Variants in MEGF6 observed in about 807,000 individuals in gnomAD.
The protein encoded by MEGF6 is multiple EGF like domains 6, also known as multiple epidermal growth factor-like domains protein 6.
MEGF6 carries 184 observed loss-of-function variants against 207.1 expected under a neutral mutation model. The ratio of observed to expected loss-of-function variants is 0.89; its 90% confidence interval spans 0.79 to 1.00. The LOEUF (loss-of-function observed/expected upper bound fraction) is 1.00. Among genes scored for constraint, MEGF6 ranks in the 50% least tolerant of loss-of-function variants. MEGF6 has a pLI of 0.00. For synonymous variants in MEGF6, 1,038 were observed against 910.0 expected, an observed-to-expected ratio of 1.14 and a Z score of -2.53; for missense variants, 2,282 against 2,202.9, an observed-to-expected ratio of 1.04 and a Z score of -0.72.
At chr1:3,557,262 T>C (rs1643062847) in intron 4 of MEGF6, among the ~76,000 whole-genome samples, 1 of 152,224 alleles carries the variant, frequency 6.6e-6, no homozygotes, top group African/African-American at 2.4e-5. Flanking sequence ...ATCACAGATC[T>C]GTGCTGTTTG....
At chr1:3,496,402 C>G (rs1161275537) in intron 29 of MEGF6, among the ~76,000 whole-genome samples, 1 of 152,252 alleles carries the variant, frequency 6.6e-6, no homozygotes, top group Non-Finnish European at 1.5e-5. Context: ...GCAGACATGG[C>G]GCAGGTCGCC....
intron 3 of MEGF6, 39 bp from the exon 4 acceptor site, chr1:3,579,968 AG>A: frequency 7.0e-7 from 1 of 1,427,672 alleles, no homozygotes; most frequent in South Asian, 1.4e-5. Flanking sequence ...AGGGGCAAGG[AG>A]GGGTGAGGCA....
At chr1:3,500,481 G>A in intron 21 of MEGF6, 152 bp downstream of exon 21, 3 of 1,154,952 alleles carry the variant, frequency 2.6e-6, no homozygotes, top group South Asian at 3.2e-5. Context: ...TTTGGTGGGT[G>A]TGTGCGCGCA....
chr1:3,621,087 C>A, the MEGF6 span, among the ~76,000 whole-genome samples: 1 of 152,226 alleles, frequency 6.6e-6, no homozygotes, highest in Non-Finnish European at 1.5e-5. Flanking sequence ...GGAGCATGAC[C>A]ACTGAAGCAC....
chr1:3,613,612 G>T (rs2101925624), upstream of MEGF6, among the ~76,000 whole-genome samples: 1 of 152,322 alleles, frequency 6.6e-6, no homozygotes, highest in East Asian at 1.9e-4. Flanking sequence ...AAGAAGGAAA[G>T]AATGTGGATG....
At chr1:3,597,075 G>A (rs1644079746) in intron 2 of MEGF6, among the ~76,000 whole-genome samples, 1 of 152,206 alleles carries the variant, frequency 6.6e-6, no homozygotes, top group African/African-American at 2.4e-5. Flanking sequence ...CAGCCCCTGT[G>A]AGGACCGCCC....
chr1:3,583,885 C>CGCGCAGCCACCAGACAAT (rs1557795303), intron 3 of MEGF6, among the ~76,000 whole-genome samples: 569 of 43,718 alleles, frequency 0.013, 55 homozygotes, highest in Middle Eastern at 0.04. Context: ...CACCAGACAA[C>CGCGCAGCCACCAGACAAT]GCGCAGCCAC....
At chr1:3,562,180 TTC>T (rs1261434115) in intron 4 of MEGF6, among the ~76,000 whole-genome samples, 9 of 152,204 alleles carry the variant, frequency 5.9e-5, no homozygotes, top group Admixed American at 1.3e-4. Context: ...TCTCTGTCCT[TTC>T]TCTGTGTCTC....
intron 3 of MEGF6, among the ~76,000 whole-genome samples, chr1:3,587,510 A>G (rs1418233261): frequency 6.6e-6 from 1 of 152,250 alleles, no homozygotes; most frequent in Non-Finnish European, 1.5e-5. Context: ...ACTGTGATGT[A>G]TAGTTTGCAA....
At chr1:3,593,364 C>T (rs949054152) in intron 3 of MEGF6, among the ~76,000 whole-genome samples, 6 of 152,236 alleles carry the variant, frequency 3.9e-5, no homozygotes, top group South Asian at 4.2e-4. Flanking sequence ...TCGGAGGGGA[C>T]GGCATCGGGG....
Position 3,595,295 on chromosome 1 carries a change from G to C in MEGF6, c.376+43C>G, listed in dbSNP as rs758689523. The C allele has an allele frequency of 1.8e-4, 255 of 1,409,272 alleles. 1 individual carries two copies. The Middle Eastern group carries it at 2.3e-3, about 13-fold the overall frequency. The allele number at this position is 1,409,272 out of a possible 1,614,324, so 87.3% of individuals were successfully genotyped here. On this transcript the variant is annotated intron_variant, in intron 3 of 36. Transcript: ENST00000356575. Reference sequence around the variant, plus strand: ...TTCATGGCTCTGCTGAGTCCTCTGGGGTGGAGGTGGAGGGAGGGCGGGGAG... The same window carrying C: ...TTCATGGCTCTGCTGAGTCCTCTGGCGTGGAGGTGGAGGGAGGGCGGGGAG...
chr1:3,492,507 G>T, intron 35 of MEGF6, 132 bp downstream of exon 35: 1 of 1,257,356 alleles, frequency 8.0e-7, no homozygotes, highest in Non-Finnish European at 1.1e-6. Context: ...GATGACATTC[G>T]CTATGTCTGA....
chr1:3,520,195 C>T (rs1641691783), intron 5 of MEGF6, among the ~76,000 whole-genome samples: 1 of 152,222 alleles, frequency 6.6e-6, no homozygotes, highest in Admixed American at 6.5e-5. Flanking sequence ...CAACCCAAGG[C>T]ACATGAGGGA....
the MEGF6 span, among the ~76,000 whole-genome samples, chr1:3,619,682 G>C: frequency 6.7e-6 from 1 of 150,140 alleles, no homozygotes; most frequent in African/African-American, 2.5e-5. Flanking sequence ...GGCCTCCCCA[G>C]CCGGGTGTAA....
At chr1:3,582,329 G>A (rs939670090) in intron 3 of MEGF6, among the ~76,000 whole-genome samples, 2 of 152,184 alleles carry the variant, frequency 1.3e-5, no homozygotes, top group Admixed American at 6.5e-5. Context: ...CTCACCGAGC[G>A]GCTCAGACCA....
rs1640425194 is a variant in MEGF6 at position 3,492,770 on chromosome 1, G to T, written c.4388-3C>A. On this transcript the variant is annotated splice_polypyrimidine_tract_variant and splice_region_variant and intron_variant, in intron 34 of 36. Transcript: ENST00000356575. ...CCCAAACTGGCCCCTTCTGCAATCT[G>T]CAAGGCGGAGGGGGCGGGAGACAAA... is the stretch of plus-strand genomic sequence containing the variant. 1 of 1,608,106 alleles carries T rather than the reference G, an allele frequency of 6.2e-7. No individual in the cohort carries two copies. The highest frequency in any genetic ancestry group is 8.5e-7 in the Non-Finnish European group (1 of 1,176,494).
At chr1:3,611,697 A>C (rs1259757362), upstream of MEGF6, among the ~76,000 whole-genome samples, 59 of 108,684 alleles carry the variant, frequency 5.4e-4, no homozygotes, top group Non-Finnish European at 9.1e-4. Flanking sequence ...CCCTCACCCC[A>C]GCCCGGCTCC....
chr1:3,512,273 G>C, intron 7 of MEGF6, 145 bp from the exon 8 acceptor site: 1 of 1,108,100 alleles, frequency 9.0e-7, no homozygotes, highest in Non-Finnish European at 1.3e-6. Context: ...CACTGTCCCT[G>C]ACGGCCACTA....
intron 5 of MEGF6, among the ~76,000 whole-genome samples, chr1:3,518,453 C>T (rs1008261126): frequency 3.9e-5 from 6 of 152,060 alleles, no homozygotes; most frequent in Admixed American, 1.3e-4. Context: ...GGCCTCCTTC[C>T]GTCTGAGCTG....
Sources: allele counts gnomAD v4.1 joint callset (sites outside exome capture counted in the v4.1 genomes callset), GRCh38; gene constraint gnomAD v4.1.1; transcripts MANE v1.5; gene names NCBI Gene and HGNC (gene_info 2026-07-23, HGNC 2026-07-21).